The following GSK3B variants were observed in gnomAD, a reference collection of about 807,000 sequenced individuals.
The protein encoded by GSK3B is glycogen synthase kinase 3 beta.
GSK3B carries 15 observed loss-of-function variants against 56.4 expected under a neutral mutation model. The observed-to-expected ratio is 0.27, with a 90% CI of 0.18 to 0.41. The LOEUF (loss-of-function observed/expected upper bound fraction) is 0.41, where lower values mean the gene tolerates loss of function less well. Among genes scored for constraint, GSK3B ranks in the 10% least tolerant of loss-of-function variants. The pLI, the probability that GSK3B is intolerant of heterozygous loss-of-function variation, is 1.00. For missense variants in GSK3B, 300 were observed against 513.4 expected, an observed-to-expected ratio of 0.58 and a Z score of 4.02; for synonymous variants, 181 against 188.9, an observed-to-expected ratio of 0.96 and a Z score of 0.34.
chr3:119,827,691 T>C (rs1328710062), intron 10 of GSK3B, among the ~76,000 whole-genome samples: 1 of 150,166 alleles, frequency 6.7e-6, no homozygotes, highest in Admixed American at 6.6e-5. Flanking sequence ...TGGATGGAAC[T>C]GAAGTCATTA....
At chr3:120,053,495 T>G (rs2058167554) in intron 1 of GSK3B, among the ~76,000 whole-genome samples, 1 of 152,216 alleles carries the variant, frequency 6.6e-6, no homozygotes, top group East Asian at 1.9e-4. Context: ...CTTAGCACAT[T>G]TGTAGTAATA....
chr3:120,056,343 T>C (rs2058190980), intron 1 of GSK3B, among the ~76,000 whole-genome samples: 1 of 152,152 alleles, frequency 6.6e-6, no homozygotes, highest in African/African-American at 2.4e-5. Flanking sequence ...AGGTTCTCAA[T>C]AGTTTTGTTT....
At chr3:119,851,774 C>CAT in intron 9 of GSK3B, among the ~76,000 whole-genome samples, 1 of 152,278 alleles carries the variant, frequency 6.6e-6, no homozygotes, top group South Asian at 2.1e-4. Context: ...CCTCTTATTA[C>CAT]ATATAATAAT....
Position 119,843,346 on chromosome 3 carries a change from T to C in GSK3B, c.1104A>G (p.Ser368=). Residue 368 remains serine, a synonymous_variant, in exon 10 of 11, where the codon TCA becomes TCG. Transcript: ENST00000264235. ...ALFNFTTQEL[S]SNPPLATILI... ...GGATGGTAGCCAGAGGTGGATTACT[T>C]GACAGTTCTATAGAAGGTTAAGACA... is the stretch of plus-strand genomic sequence containing the variant. 3 of 1,592,620 alleles carry C rather than the reference T, an allele frequency of 1.9e-6. No homozygotes were observed. The highest frequency in any genetic ancestry group is 2.6e-6 in the Non-Finnish European group (3 of 1,161,502).
chr3:119,929,595 C>G (rs906353695), intron 3 of GSK3B, among the ~76,000 whole-genome samples: 1 of 150,984 alleles, frequency 6.6e-6, no homozygotes, highest in African/African-American at 2.4e-5. Context: ...CAGGGAGGCA[C>G]CATTTCTACA....
intron 3 of GSK3B, among the ~76,000 whole-genome samples, chr3:119,933,499 T>C (rs1040139960): frequency 1.3e-5 from 2 of 152,294 alleles, no homozygotes; most frequent in Middle Eastern, 3.4e-3. Context: ...TAAAAACACA[T>C]CTGCATGCCA....
chr3:119,937,703 C>T (rs1368454486), intron 3 of GSK3B, among the ~76,000 whole-genome samples: 1 of 151,678 alleles, frequency 6.6e-6, no homozygotes, highest in African/African-American at 2.4e-5. Context: ...TCTAACTCTA[C>T]AACCGGAGAA....
chr3:119,944,039 TTA>T (rs2057075475), intron 3 of GSK3B, among the ~76,000 whole-genome samples: 1 of 152,262 alleles, frequency 6.6e-6, no homozygotes, highest in Non-Finnish European at 1.5e-5. Context: ...GTCAGAGATG[TTA>T]TAGAGAATGA....
chr3:119,857,443 C>T (rs944002979), intron 9 of GSK3B, among the ~76,000 whole-genome samples: 9 of 152,192 alleles, frequency 5.9e-5, no homozygotes, highest in Non-Finnish European at 1.3e-4. Context: ...AAGCAGATTC[C>T]TTCTCAAGAA....
chr3:119,892,382 T>C (rs1241556966), intron 7 of GSK3B, among the ~76,000 whole-genome samples: 3 of 152,134 alleles, frequency 2.0e-5, no homozygotes, highest in Admixed American at 6.5e-5. Context: ...TACTAAATAT[T>C]TATCCACTCC....
At chr3:119,834,845 A>G (rs2055665103) in intron 10 of GSK3B, among the ~76,000 whole-genome samples, 1 of 152,182 alleles carries the variant, frequency 6.6e-6, no homozygotes, top group Non-Finnish European at 1.5e-5. Context: ...TTGATAGGAG[A>G]GAACATGTTT....
In GSK3B at chr3:119,889,325, T is replaced by C. The variant is rs557798995; in HGVS notation, c.814-12817A>G. 1.1e-4 allele frequency among the ~76,000 whole-genome samples: 16 copies of C among 152,252 alleles called. No homozygotes were observed. In the South Asian group the frequency reaches 3.3e-3, roughly 32 times the overall value. On this transcript the variant is annotated intron_variant, in intron 7 of 10. Coordinates refer to ENST00000264235, the MANE Select transcript of GSK3B (RefSeq NM_001146156.2). ...TCATGGAAAATAGAAAAAACCTATG[T>C]TGAAATATTAGGGGCGGGTTCCCCC...
intron 3 of GSK3B, among the ~76,000 whole-genome samples, chr3:119,932,305 TG>T (rs1432273679): frequency 1.3e-5 from 2 of 152,180 alleles, no homozygotes; most frequent in Non-Finnish European, 2.9e-5. Flanking sequence ...TTTTCTCTGA[TG>T]GGTACGCCAG....
At chr3:119,914,185 C>T (rs2056760648) in intron 5 of GSK3B, among the ~76,000 whole-genome samples, 1 of 151,906 alleles carries the variant, frequency 6.6e-6, no homozygotes, top group African/African-American at 2.4e-5. Context: ...TCTTTAGCTA[C>T]TTTTTGGCCC....
At position 119,947,370 on chromosome 3, in the gene GSK3B, A is replaced by G. The variant is rs1396879565; in HGVS notation, c.283-19T>C. ...CTCGATTCTGAAAAGGAAACACATA[A>G]AAATATATTTTTAAAGGATAACAGC... On this transcript the variant is annotated intron_variant, in intron 2 of 10. Coordinates refer to ENST00000264235, the MANE Select transcript of GSK3B (RefSeq NM_001146156.2). The G allele has an allele frequency of 3.5e-6, 5 of 1,449,106 alleles. No individual in the cohort carries two copies. The highest frequency in any genetic ancestry group is 4.8e-6 in the Non-Finnish European group (5 of 1,031,836). 89.8% of individuals were successfully genotyped at this position (1,449,106 alleles called of 1,614,324 possible). A position where few individuals can be genotyped will look rare whatever the true frequency, so the allele number is the denominator to read the frequency against.
intron 1 of GSK3B, among the ~76,000 whole-genome samples, chr3:120,024,288 T>C (rs530146251): frequency 2.5e-4 from 38 of 152,106 alleles, no homozygotes; most frequent in African/African-American, 9.2e-4. Context: ...GTGAGCCATG[T>C]ATGCTCTCCA....
intron 7 of GSK3B, among the ~76,000 whole-genome samples, chr3:119,884,349 G>A (rs1350782250): frequency 1.3e-5 from 2 of 152,172 alleles, no homozygotes; most frequent in African/African-American, 4.8e-5. Flanking sequence ...CACCTGACAT[G>A]AGTTTAGTGG....
At chr3:120,085,851 GCAGA>G (rs1244075357) in intron 1 of GSK3B, among the ~76,000 whole-genome samples, 3 of 151,782 alleles carry the variant, frequency 2.0e-5, no homozygotes, top group Non-Finnish European at 2.9e-5. Context: ...ATAACAGGAA[GCAGA>G]CAGTGTTGCA....
intron 1 of GSK3B, among the ~76,000 whole-genome samples, chr3:120,012,043 G>A (rs533715379): frequency 6.6e-6 from 1 of 152,138 alleles, no homozygotes; most frequent in African/African-American, 2.4e-5. Context: ...CAGAGTAATA[G>A]GAAGTAAGAG....
Sources: allele counts gnomAD v4.1 joint callset (sites outside exome capture counted in the v4.1 genomes callset), GRCh38; gene constraint gnomAD v4.1.1; transcripts MANE v1.5; gene names NCBI Gene and HGNC (gene_info 2026-07-23, HGNC 2026-07-21).